The following LRMDA variants were observed in gnomAD, a reference collection of about 807,000 sequenced individuals.
LRMDA encodes leucine-rich melanocyte differentiation-associated protein.
LRMDA carries 18 observed loss-of-function variants against 29.8 expected under a neutral mutation model. The ratio of observed to expected loss-of-function variants is 0.60; its 90% CI spans 0.42 to 0.90. The LOEUF (loss-of-function observed/expected upper bound fraction) is 0.90. LRMDA is among the 40% of genes least tolerant of loss of function. LRMDA has a pLI of 0.00. For missense variants in LRMDA, 273 were observed against 273.9 expected (o/e 1.00, Z 0.02); for synonymous variants, 125 against 109.4 (o/e 1.14, Z -0.89).
intron 6 of LRMDA, among the ~76,000 whole-genome samples, chr10:76,537,663 T>TC (rs1554826567): frequency 6.6e-6 from 1 of 152,130 alleles, no homozygotes; most frequent in Non-Finnish European, 1.5e-5. Flanking sequence ...CTTAAAAGCT[T>TC]CTTTTTTTTA....
At chr10:76,132,597 C>T (rs1850012756) in intron 5 of LRMDA, among the ~76,000 whole-genome samples, 1 of 152,064 alleles carries the variant, frequency 6.6e-6, no homozygotes, top group African/African-American at 2.4e-5. Flanking sequence ...CACCAGAATG[C>T]CTGAGTTACC....
chr10:76,441,326 A>C (rs1842300088), intron 6 of LRMDA, among the ~76,000 whole-genome samples: 1 of 152,206 alleles, frequency 6.6e-6, no homozygotes, highest in Non-Finnish European at 1.5e-5. Context: ...TGACACTAAT[A>C]GTTGCATGGG....
intron 2 of LRMDA, among the ~76,000 whole-genome samples, chr10:75,755,592 A>C (rs1162434780): frequency 6.6e-6 from 1 of 152,246 alleles, no homozygotes; most frequent in Admixed American, 6.5e-5. Context: ...GAATCAGGGA[A>C]GTCTCTGAGA....
chr10:75,532,692 G>T (rs1215241712), intron 2 of LRMDA, among the ~76,000 whole-genome samples: 1 of 152,036 alleles, frequency 6.6e-6, no homozygotes, highest in Admixed American at 6.5e-5. Flanking sequence ...ACTGAGTTCT[G>T]CTTGAGTCAT....
intron 2 of LRMDA, among the ~76,000 whole-genome samples, chr10:75,636,517 A>AG (rs1436228828): frequency 2.0e-5 from 3 of 152,210 alleles, no homozygotes; most frequent in African/African-American, 7.2e-5. Flanking sequence ...CTTGGGCAAC[A>AG]GGATTATAGG....
At chr10:76,191,914 C>G (rs1479727845) in intron 5 of LRMDA, among the ~76,000 whole-genome samples, 1 of 152,144 alleles carries the variant, frequency 6.6e-6, no homozygotes, top group African/African-American at 2.4e-5. Flanking sequence ...GGAGTGGCAC[C>G]AGGTTCAAAA....
chr10:76,451,466 A>G (rs1346960125), intron 6 of LRMDA, among the ~76,000 whole-genome samples: 7 of 151,928 alleles, frequency 4.6e-5, no homozygotes, highest in Non-Finnish European at 7.4e-5. Flanking sequence ...CGGCCTCCCA[A>G]AGTGCTGGGA....
intron 2 of LRMDA, among the ~76,000 whole-genome samples, chr10:75,834,422 A>G (rs1275886342): frequency 6.6e-6 from 1 of 152,190 alleles, no homozygotes; most frequent in Non-Finnish European, 1.5e-5. Flanking sequence ...TTCTTTCTAG[A>G]GTATCCCTTC....
intron 2 of LRMDA, among the ~76,000 whole-genome samples, chr10:75,577,822 A>G (rs1441172552): frequency 6.6e-6 from 1 of 152,192 alleles, no homozygotes; most frequent in Non-Finnish European, 1.5e-5. Flanking sequence ...AAAACCGTTT[A>G]CAGACAAGCA....
chr10:76,242,338 A>T (rs896269730), intron 5 of LRMDA: 1 of 152,208 alleles, frequency 6.6e-6, no homozygotes, highest in South Asian at 2.1e-4. Flanking sequence ...ATAACAAAGT[A>T]TCACAACGTG....
intron 6 of LRMDA, among the ~76,000 whole-genome samples, chr10:76,352,428 C>T (rs1429008149): frequency 1.3e-5 from 2 of 152,046 alleles, no homozygotes; most frequent in Admixed American, 6.6e-5. Flanking sequence ...ACCACAACAG[C>T]CAATCCAATA....
intron 6 of LRMDA, among the ~76,000 whole-genome samples, chr10:76,460,044 A>G (rs1842496252): frequency 6.6e-6 from 1 of 152,316 alleles, no homozygotes; most frequent in East Asian, 1.9e-4. Flanking sequence ...CCTATTTTCA[A>G]GATAGACCGT....
intron 2 of LRMDA, among the ~76,000 whole-genome samples, chr10:75,964,317 T>G (rs888321840): frequency 2.0e-5 from 3 of 152,184 alleles, no homozygotes; most frequent in African/African-American, 7.2e-5. Context: ...TAACACACCA[T>G]CCAGAGGAGA....
intron 2 of LRMDA, among the ~76,000 whole-genome samples, chr10:75,627,887 C>A (rs184773196): frequency 3.1e-3 from 473 of 152,298 alleles, no homozygotes; most frequent in Non-Finnish European, 5.2e-3. Context: ...TTTTAAATCG[C>A]AAAAATAATC....
intron 2 of LRMDA, among the ~76,000 whole-genome samples, chr10:75,810,483 C>G (rs891150332): frequency 1.3e-5 from 2 of 152,184 alleles, no homozygotes; most frequent in African/African-American, 4.8e-5. Flanking sequence ...GCTGAAGGAA[C>G]AAAAGACGCC....
At chr10:75,519,759 C>G (rs1168317522) in intron 2 of LRMDA, among the ~76,000 whole-genome samples, 1 of 152,178 alleles carries the variant, frequency 6.6e-6, no homozygotes, top group Admixed American at 6.5e-5. Context: ...TTAATTGATG[C>G]AATTTCTTCA....
intron 5 of LRMDA, among the ~76,000 whole-genome samples, chr10:76,059,108 A>G (rs916454332): frequency 4.6e-5 from 7 of 152,028 alleles, no homozygotes; most frequent in Non-Finnish European, 5.9e-5. Context: ...AGCATTGGGC[A>G]TGGGTGGGCT....
intron 4 of LRMDA, among the ~76,000 whole-genome samples, chr10:76,050,902 CT>C (rs1465487672): frequency 1.3e-5 from 2 of 152,222 alleles, no homozygotes; most frequent in African/African-American, 2.4e-5. Flanking sequence ...GTCTCATGGT[CT>C]TTTAGCTCTT....
intron 5 of LRMDA, among the ~76,000 whole-genome samples, chr10:76,249,215 ATTC>A (rs1362040295): frequency 6.6e-6 from 1 of 152,172 alleles, no homozygotes; most frequent in Non-Finnish European, 1.5e-5. Context: ...GCTGTTTTCT[ATTC>A]TTGCTTTCCT....
Sources: gnomAD v4.1 joint callset for allele counts (sites outside exome capture counted in the v4.1 genomes callset) on GRCh38, gnomAD v4.1.1 for gene constraint, MANE v1.5 for transcripts, NCBI Gene and HGNC (gene_info 2026-07-23, HGNC 2026-07-21) for gene names.